The following COBLL1 variants were observed in gnomAD, a reference collection of about 807,000 sequenced individuals.
The protein encoded by COBLL1 is cordon-bleu WH2 repeat protein like 1.
COBLL1 carries 50 observed loss-of-function variants against 94.8 expected under a neutral mutation model. That is an observed-to-expected ratio of 0.53 (90% CI 0.42 to 0.67). The LOEUF (loss-of-function observed/expected upper bound fraction) is 0.67, where lower values mean the gene tolerates loss of function less well. Ranked by LOEUF, COBLL1 falls within the 30% of genes least tolerant of loss-of-function variation. The pLI, the probability that COBLL1 is intolerant of heterozygous loss-of-function variation, is 0.00. For missense variants in COBLL1, 1,362 were observed against 1,348.7 expected (o/e 1.01, Z -0.15); for synonymous variants, 448 against 473.8 (o/e 0.95, Z 0.71).
intron 2 of COBLL1, among the ~76,000 whole-genome samples, chr2:164,757,212 T>C (rs1390085738): frequency 6.6e-6 from 1 of 152,176 alleles, no homozygotes; most frequent in African/African-American, 2.4e-5. Flanking sequence ...TATACCTTCA[T>C]TGGAACTTTA....
At chr2:164,704,623 A>G (rs1684489422) in intron 8 of COBLL1, 105 bp from the exon 9 acceptor site, 1 of 949,294 alleles carries the variant, frequency 1.1e-6, no homozygotes, top group Non-Finnish European at 1.6e-6. Context: ...AAGCCTTGCT[A>G]GAAGCCATTT....
At chr2:164,820,116 G>A (rs942725322) in intron 2 of COBLL1, among the ~76,000 whole-genome samples, 11 of 104 alleles carry the variant, frequency 0.11, no homozygotes, top group Admixed American at 0.32. Flanking sequence ...TTACAGGTGT[G>A]GGCCACCGTG....
At chr2:164,715,233 A>G (rs1446745296) in intron 7 of COBLL1, among the ~76,000 whole-genome samples, 4 of 152,202 alleles carry the variant, frequency 2.6e-5, no homozygotes, top group Non-Finnish European at 5.9e-5. Flanking sequence ...ATTAAATATT[A>G]TACTGTGTTG....
intron 2 of COBLL1, among the ~76,000 whole-genome samples, chr2:164,786,038 T>C (rs143171896): frequency 3.6e-3 from 542 of 152,314 alleles, no homozygotes; most frequent in Non-Finnish European, 4.9e-3. Context: ...GGATGAATAA[T>C]AATGTCTTAA....
chr2:164,718,489 A>G (rs1685289034), intron 7 of COBLL1, among the ~76,000 whole-genome samples: 1 of 152,184 alleles, frequency 6.6e-6, no homozygotes, highest in South Asian at 2.1e-4. Context: ...GAGGAAAAAA[A>G]ATATTTAGCA....
At chr2:164,757,512 T>A (rs1042089787) in intron 2 of COBLL1, among the ~76,000 whole-genome samples, 1 of 152,090 alleles carries the variant, frequency 6.6e-6, no homozygotes, top group African/African-American at 2.4e-5. Context: ...TGAGATACAA[T>A]TTACATAAGA....
chr2:164,729,980 C>T lies in COBLL1; in HGVS notation c.366G>A (p.Glu122=), dbSNP rs1685907314. ...TTGGCTTTAAAATTACCTTCTCTAC[C>T]TCCAACATTCCTATTGGTGTGTTTG... ...FKPNTPIGML[E]VEKVILKPKM... Residue 122 remains glutamate, a synonymous_variant, in exon 4 of 14, where the codon GAG becomes GAA. Coordinates refer to ENST00000652658, the MANE Select transcript of COBLL1 (RefSeq NM_001365672.2). 6.2e-7 allele frequency: 1 copy of T among 1,614,000 alleles called. No individual in the cohort carries two copies. Among genetic ancestry groups the T allele is most frequent in the East Asian group, 2.2e-5 (1 of 44,852 alleles).
At chr2:164,826,450 G>A (rs1048269100) in intron 2 of COBLL1, among the ~76,000 whole-genome samples, 1 of 152,132 alleles carries the variant, frequency 6.6e-6, no homozygotes, top group Non-Finnish European at 1.5e-5. Flanking sequence ...CATCACAGTC[G>A]CCTGTTTTCT....
At chr2:164,781,829 A>C (rs550937132) in intron 2 of COBLL1, among the ~76,000 whole-genome samples, 1 of 152,320 alleles carries the variant, frequency 6.6e-6, no homozygotes, top group East Asian at 1.9e-4. Context: ...AAAACCAATA[A>C]AGTAGATCTA....
At chr2:164,679,674 A>T (rs1407509585), downstream of COBLL1, among the ~76,000 whole-genome samples, 2 of 151,700 alleles carry the variant, frequency 1.3e-5, no homozygotes, top group Non-Finnish European at 2.9e-5. Context: ...CCCTCTTAAA[A>T]ATAATGCCGT....
intron 2 of COBLL1, among the ~76,000 whole-genome samples, chr2:164,747,136 C>T (rs915849803): frequency 6.6e-6 from 1 of 152,024 alleles, no homozygotes; most frequent in East Asian, 1.9e-4. Flanking sequence ...GGAAAAGAGT[C>T]CTTACCACCA....
At chr2:164,790,805 A>T (rs1265768466) in intron 2 of COBLL1, among the ~76,000 whole-genome samples, 2 of 152,224 alleles carry the variant, frequency 1.3e-5, no homozygotes, top group Non-Finnish European at 2.9e-5. Flanking sequence ...AAAAGAAAAC[A>T]TGGTTTACAT....
At chr2:164,805,336 T>TATTTATATATATATATATATATATA (rs1559033598) in intron 2 of COBLL1, among the ~76,000 whole-genome samples, 1 of 60,336 alleles carries the variant, frequency 1.7e-5, no homozygotes, top group African/African-American at 6.4e-5. Flanking sequence ...TCTCTCTCTC[T>TATTTATATATATATATATATATATA]CTATATATAT....
intron 2 of COBLL1, among the ~76,000 whole-genome samples, chr2:164,809,521 G>T (rs529382534): frequency 6.6e-6 from 1 of 151,894 alleles, no homozygotes; most frequent in Non-Finnish European, 1.5e-5. Context: ...CAAAATTACA[G>T]AATTGGTCTT....
At chr2:164,762,276 A>C (rs1687721501) in intron 2 of COBLL1, among the ~76,000 whole-genome samples, 1 of 152,198 alleles carries the variant, frequency 6.6e-6, no homozygotes, top group Admixed American at 6.5e-5. Flanking sequence ...CTAGAAAAAA[A>C]GTGAGTATCA....
intron 2 of COBLL1, chr2:164,800,424 T>C (rs1200800622): frequency 1.6e-6 from 1 of 623,124 alleles, no homozygotes; most frequent in Non-Finnish European, 2.9e-6. Context: ...CGATACTATG[T>C]TGGTGAGGAT....
At chr2:164,794,814 G>A (rs918867543) in intron 2 of COBLL1, among the ~76,000 whole-genome samples, 6 of 152,186 alleles carry the variant, frequency 3.9e-5, no homozygotes, top group Non-Finnish European at 7.3e-5. Context: ...ATGCCTTCAT[G>A]TTCTTCTATT....
At chr2:164,702,729 T>C (rs1684370487) in intron 9 of COBLL1, among the ~76,000 whole-genome samples, 1 of 152,016 alleles carries the variant, frequency 6.6e-6, no homozygotes, top group Non-Finnish European at 1.5e-5. Flanking sequence ...CACTGCTGTC[T>C]CAAAATTCAG....
At chr2:164,817,480 A>C (rs1171989634) in intron 2 of COBLL1, among the ~76,000 whole-genome samples, 1 of 152,154 alleles carries the variant, frequency 6.6e-6, no homozygotes, top group Non-Finnish European at 1.5e-5. Context: ...TATCTGAAGA[A>C]CTTGCACAGT....
Sources: allele counts gnomAD v4.1 joint callset (sites outside exome capture counted in the v4.1 genomes callset), GRCh38; gene constraint gnomAD v4.1.1; transcripts MANE v1.5; gene names NCBI Gene and HGNC (gene_info 2026-07-23, HGNC 2026-07-21).